The following TMEM123 variants were observed in gnomAD, a reference collection of about 807,000 sequenced individuals.
The protein encoded by TMEM123 is porimin.
A neutral mutation model predicts 19.7 loss-of-function variants in TMEM123; 16 were observed. That is an observed-to-expected ratio of 0.81 (90% CI 0.55 to 1.23). The LOEUF (loss-of-function observed/expected upper bound fraction) is 1.23. Ranked by LOEUF, TMEM123 falls within the 50% of genes most tolerant of loss-of-function variation. The probability of loss-of-function intolerance (pLI) is 0.00; values close to 1 mark genes in which losing one functional copy is unlikely to be tolerated. For synonymous variants in TMEM123, 118 were observed against 99.4 expected (o/e 1.19, Z -1.12); for missense variants, 313 against 257.8 (o/e 1.21, Z -1.47).
chr11:102,434,755 T>C (rs1301237511), intron 2 of TMEM123, among the ~76,000 whole-genome samples: 1 of 151,950 alleles, frequency 6.6e-6, no homozygotes, highest in Non-Finnish European at 1.5e-5. Flanking sequence ...GATTTTTCCA[T>C]ATGGAAATCA....
intron 2 of TMEM123, among the ~76,000 whole-genome samples, chr11:102,425,562 GTTT>G (rs796386801): frequency 8.5e-6 from 1 of 118,134 alleles, no homozygotes; most frequent in East Asian, 2.4e-4. Flanking sequence ...CTCCAGGATT[GTTT>G]TTTTTTTTTT....
intron 2 of TMEM123, among the ~76,000 whole-genome samples, chr11:102,413,929 C>A (rs1952024780): frequency 6.6e-6 from 1 of 152,126 alleles, no homozygotes; most frequent in South Asian, 2.1e-4. Context: ...AGATTCAGGA[C>A]AAAGTTGAAG....
chr11:102,419,482 A>G (rs1952067069), intron 2 of TMEM123, among the ~76,000 whole-genome samples: 1 of 152,246 alleles, frequency 6.6e-6, no homozygotes, highest in Admixed American at 6.5e-5. Context: ...CAAGAGAACT[A>G]GAAAGTCTCC....
At chr11:102,398,976 T>G in intron 4 of TMEM123, 85 bp from the exon 5 acceptor site, 2 of 1,226,788 alleles carry the variant, frequency 1.6e-6, no homozygotes, top group Non-Finnish European at 2.3e-6. Context: ...TAAAGTAGGA[T>G]TAGAACAATT....
intron 2 of TMEM123, among the ~76,000 whole-genome samples, chr11:102,405,920 A>G (rs1951952317): frequency 6.6e-6 from 1 of 152,270 alleles, no homozygotes; most frequent in Admixed American, 6.5e-5. Context: ...GATGCTTTTA[A>G]GCATAAATGA....
intron 1 of TMEM123, 67 bp from the exon 2 acceptor site, chr11:102,448,935 T>C (rs1857911229): frequency 9.9e-6 from 15 of 1,519,748 alleles, no homozygotes. Context: ...AGTATGTGGT[T>C]TTCTGCCTAG....
chr11:102,427,665 T>C (rs1952141089), intron 2 of TMEM123, among the ~76,000 whole-genome samples: 1 of 151,512 alleles, frequency 6.6e-6, no homozygotes, highest in South Asian at 2.1e-4. Context: ...GGTGAAACCC[T>C]GTCTCTACTA....
At chr11:102,448,224 C>G (rs1461277017) in intron 2 of TMEM123, 2 of 455,886 alleles carry the variant, frequency 4.4e-6, no homozygotes, top group African/African-American at 4.0e-5. Context: ...AAATTGTTTA[C>G]AAGAAACGTA....
chr11:102,448,309 C>A (rs1196064362), intron 2 of TMEM123: 2 of 456,030 alleles, frequency 4.4e-6, no homozygotes, highest in East Asian at 7.0e-5. Context: ...AACTCAGAGG[C>A]CCAAGGCTTT....
At chr11:102,450,418 T>C (rs1445437161) in intron 1 of TMEM123, among the ~76,000 whole-genome samples, 9 of 152,208 alleles carry the variant, frequency 5.9e-5, no homozygotes, top group South Asian at 2.1e-4. Context: ...AATGTTAATG[T>C]CATTCATTGG....
At chr11:102,405,428 T>C (rs1014242369) in intron 2 of TMEM123, among the ~76,000 whole-genome samples, 12 of 152,162 alleles carry the variant, frequency 7.9e-5, no homozygotes, top group African/African-American at 2.4e-4. Context: ...AATATCCAAG[T>C]AGGTAATACA....
At chr11:102,402,970 AAACAGAAACATATAGGTAC>A (rs1350915112) in intron 2 of TMEM123, among the ~76,000 whole-genome samples, 1 of 152,196 alleles carries the variant, frequency 6.6e-6, no homozygotes, top group African/African-American at 2.4e-5. Context: ...GGTATAATGT[AAACAGAAACATATAGGTAC>A]AGATCTTGTT....
chr11:102,423,148 CGGT>C (rs1952100033), intron 2 of TMEM123, among the ~76,000 whole-genome samples: 1 of 152,144 alleles, frequency 6.6e-6, no homozygotes. Flanking sequence ...GGAAAAATTA[CGGT>C]ATATCCCTAC....
intron 4 of TMEM123, 110 bp from the exon 5 acceptor site, chr11:102,399,001 C>A: frequency 1.0e-6 from 1 of 972,322 alleles, no homozygotes; most frequent in Non-Finnish European, 1.5e-6. Flanking sequence ...GCTGCACAAT[C>A]AAAATGGTCA....
At chr11:102,444,914 G>A (rs891763033) in intron 2 of TMEM123, among the ~76,000 whole-genome samples, 9 of 151,276 alleles carry the variant, frequency 5.9e-5, no homozygotes, top group African/African-American at 1.9e-4. Flanking sequence ...CAAACTATCC[G>A]AAGGACAGAA....
In TMEM123 at chr11:102,398,058, TCTAA is replaced by T. The variant is rs1174607630; in HGVS notation, c.*805_*808del. ...ACAATATTCTCACAGTAGCAAATAA[TCTAA>T]CTTCTAGGAGGTTTTTTCCCTATAA... On this transcript the variant is annotated 3_prime_UTR_variant, in exon 5 of 5. Coordinates refer to ENST00000398136, the MANE Select transcript of TMEM123 (RefSeq NM_052932.3). The T allele has an allele frequency of 2.0e-5, 3 of 152,230 alleles. No individual in the cohort carries two copies. Among genetic ancestry groups the T allele is most frequent in the Non-Finnish European group, 4.4e-5 (3 of 68,050 alleles). 9.4% of individuals were successfully genotyped at this position (152,230 alleles called of 1,614,324 possible). A position where few individuals can be genotyped will look rare whatever the true frequency, so the allele number is the denominator to read the frequency against.
intron 2 of TMEM123, among the ~76,000 whole-genome samples, chr11:102,421,064 A>G (rs1952081971): frequency 6.6e-6 from 1 of 152,180 alleles, no homozygotes; most frequent in Non-Finnish European, 1.5e-5. Flanking sequence ...AACAACAACA[A>G]AAAAACTAGG....
At chr11:102,412,815 G>C (rs978368967) in intron 2 of TMEM123, among the ~76,000 whole-genome samples, 1 of 152,102 alleles carries the variant, frequency 6.6e-6, no homozygotes, top group Non-Finnish European at 1.5e-5. Context: ...ACATCTCTAA[G>C]CAAAAGAACA....
chr11:102,407,640 A>C (rs959345505), intron 2 of TMEM123, among the ~76,000 whole-genome samples: 1 of 152,324 alleles, frequency 6.6e-6, no homozygotes, highest in African/African-American at 2.4e-5. Flanking sequence ...CAGACACACA[A>C]ACACACACAA....
Sources: allele counts gnomAD v4.1 joint callset (sites outside exome capture counted in the v4.1 genomes callset), GRCh38; gene constraint gnomAD v4.1.1; transcripts MANE v1.5; gene names NCBI Gene and HGNC (gene_info 2026-07-23, HGNC 2026-07-21).